GALNTL6: variants seen among roughly 807,000 people sequenced by gnomAD.
GALNTL6 encodes polypeptide N-acetylgalactosaminyltransferase-like 6.
Under a neutral mutation model 73.7 loss-of-function variants are expected in GALNTL6, and 46 were observed. The observed-to-expected ratio is 0.62, with a 90% CI of 0.49 to 0.80. GALNTL6 has a LOEUF of 0.80. Ranked by LOEUF, GALNTL6 falls within the 30% of genes least tolerant of loss-of-function variation. The pLI is 0.00. For missense variants in GALNTL6, 604 were observed against 755.0 expected, an observed-to-expected ratio of 0.80 and a Z score of 2.34; for synonymous variants, 259 against 263.7, an observed-to-expected ratio of 0.98 and a Z score of 0.17.
At chr4:172,693,192 A>C (rs1243659482) in intron 5 of GALNTL6, among the ~76,000 whole-genome samples, 4 of 152,154 alleles carry the variant, frequency 2.6e-5, no homozygotes, top group African/African-American at 9.7e-5. Context: ...AGTGATGTCT[A>C]CCTAATTTTT....
chr4:171,990,934 A>T (rs954237724), intron 2 of GALNTL6, among the ~76,000 whole-genome samples: 3 of 152,200 alleles, frequency 2.0e-5, no homozygotes, highest in Admixed American at 6.5e-5. Flanking sequence ...CCTATGCAAT[A>T]CAAGAAGAAA....
chr4:172,952,166 T>G lies in GALNTL6; in HGVS notation c.1279T>G (p.Cys427Gly), dbSNP rs1749480516. 5.6e-6 allele frequency: 9 copies of G among 1,614,060 alleles called. No individual in the cohort carries two copies. The highest frequency in any genetic ancestry group is 7.6e-6 in the Non-Finnish European group (9 of 1,179,988). The change falls in exon 10 of 13, where the codon TGC becomes GGC. Residue 427 changes from cysteine to glycine, a missense_variant. Cys to Gly is a radical substitution (Grantham distance 159). Transcript: ENST00000506823. ...GAAGGAGCTGCGCAAGCAGCTCAAG[T>G]GCAAGGACTTCAAATGGTTCATGGC... ...AQKELRKQLK[C>G]KDFKWFMAAV...
intron 3 of GALNTL6, among the ~76,000 whole-genome samples, chr4:172,256,603 T>A (rs1315895736): frequency 1.3e-5 from 2 of 151,420 alleles, no homozygotes; most frequent in Admixed American, 1.3e-4. Flanking sequence ...TGCATAGACC[T>A]GTGTCAATTC....
intron 5 of GALNTL6, among the ~76,000 whole-genome samples, chr4:172,357,823 T>A (rs561129433): frequency 6.6e-6 from 1 of 152,134 alleles, no homozygotes; most frequent in Non-Finnish European, 1.5e-5. Flanking sequence ...TTTTATATCC[T>A]GAATAAACTC....
intron 5 of GALNTL6, among the ~76,000 whole-genome samples, chr4:172,765,976 GA>G (rs1041467094): frequency 1.4e-4 from 21 of 152,174 alleles, no homozygotes; most frequent in Admixed American, 5.2e-4. Flanking sequence ...ATTAGAGAAA[GA>G]AAAAAGGAAA....
chr4:171,869,188 T>C (rs1736065186), intron 2 of GALNTL6, among the ~76,000 whole-genome samples: 1 of 152,162 alleles, frequency 6.6e-6, no homozygotes, highest in Non-Finnish European at 1.5e-5. Context: ...GAATGCCTTG[T>C]CCCTATCACA....
Position 172,339,314 on chromosome 4 carries a change from C to CACACACAG in GALNTL6, c.387-9208_387-9207insCACACAGA, listed in dbSNP as rs1254394266. Among the ~76,000 whole-genome samples the CACACACAG allele has an allele frequency of 6.5e-5, 9 of 138,286 alleles. No homozygotes were observed. The East Asian group carries it at 1.7e-3, about 26-fold the overall frequency. The allele number at this position is 138,286 out of a possible 152,430, so 90.7% of individuals were successfully genotyped here. A position where few individuals can be genotyped will look rare whatever the true frequency, so the allele number is the denominator to read the frequency against. On this transcript the variant is annotated intron_variant, in intron 4 of 12. Transcript: ENST00000506823. The stretch of plus-strand genomic sequence containing the variant: ...ACACACACACACACACACACACACA[C>CACACACAG]AGAGTTTCCAGGTCACCAAGTTGGT...
chr4:172,937,484 C>G (rs1428518080), intron 9 of GALNTL6, among the ~76,000 whole-genome samples: 1 of 152,094 alleles, frequency 6.6e-6, no homozygotes, highest in Non-Finnish European at 1.5e-5. Flanking sequence ...CCTGGGATAG[C>G]CTGGGGCAGC....
intron 11 of GALNTL6, among the ~76,000 whole-genome samples, chr4:173,020,923 A>G (rs920829696): frequency 1.8e-4 from 28 of 152,080 alleles, no homozygotes; most frequent in Admixed American, 1.3e-4. Flanking sequence ...AAATACAAAA[A>G]TTAGCCAGGC....
intron 5 of GALNTL6, among the ~76,000 whole-genome samples, chr4:172,665,233 G>A (rs549206036): frequency 2.0e-4 from 30 of 152,212 alleles, no homozygotes; most frequent in East Asian, 5.8e-4. Flanking sequence ...TGTATCCATC[G>A]GATTAGGCTA....
chr4:172,817,852 A>G (rs1741696810), intron 7 of GALNTL6, among the ~76,000 whole-genome samples: 1 of 152,222 alleles, frequency 6.6e-6, no homozygotes, highest in Admixed American at 6.5e-5. Flanking sequence ...TTATTGACAG[A>G]AATGTTTTCC....
At chr4:172,123,114 G>A (rs1345663771) in intron 2 of GALNTL6, among the ~76,000 whole-genome samples, 1 of 152,174 alleles carries the variant, frequency 6.6e-6, no homozygotes, top group African/African-American at 2.4e-5. Context: ...AAGTTTCTAG[G>A]ACTGTCAGGA....
At chr4:172,327,797 G>T (rs1561027868) in intron 4 of GALNTL6, among the ~76,000 whole-genome samples, 1 of 152,072 alleles carries the variant, frequency 6.6e-6, no homozygotes, top group Non-Finnish European at 1.5e-5. Context: ...TTGCATGTCA[G>T]ATGGGTCTTT....
chr4:172,030,117 G>C (rs1019142447), intron 2 of GALNTL6, among the ~76,000 whole-genome samples: 1 of 151,976 alleles, frequency 6.6e-6, no homozygotes, highest in African/African-American at 2.4e-5. Context: ...GCAAATATGA[G>C]AAACAATGTA....
intron 5 of GALNTL6, among the ~76,000 whole-genome samples, chr4:172,591,223 A>C (rs964373956): frequency 2.6e-5 from 4 of 152,208 alleles, no homozygotes; most frequent in African/African-American, 9.7e-5. Context: ...TTCTCAGTTC[A>C]TGACTTCATA....
At chr4:172,573,158 A>G (rs1043885472) in intron 5 of GALNTL6, among the ~76,000 whole-genome samples, 1 of 152,214 alleles carries the variant, frequency 6.6e-6, no homozygotes, top group Non-Finnish European at 1.5e-5. Context: ...TCAATAAAAT[A>G]TAAAAACAAT....
At chr4:172,400,045 C>A (rs949943488) in intron 5 of GALNTL6, among the ~76,000 whole-genome samples, 1 of 152,072 alleles carries the variant, frequency 6.6e-6, no homozygotes, top group African/African-American at 2.4e-5. Flanking sequence ...AGCCAAAACA[C>A]CCTTACACCA....
chr4:172,757,006 G>A (rs1279406063), intron 5 of GALNTL6, among the ~76,000 whole-genome samples: 1 of 152,126 alleles, frequency 6.6e-6, no homozygotes. Context: ...TTTATCTGAT[G>A]TTCTTTTCTT....
intron 2 of GALNTL6, among the ~76,000 whole-genome samples, chr4:172,177,767 ATG>A (rs1267486005): frequency 2.6e-4 from 21 of 81,894 alleles, no homozygotes; most frequent in South Asian, 3.1e-4. Flanking sequence ...GTGTATATAT[ATG>A]TACACATATA....
Sources: allele counts gnomAD v4.1 joint callset (sites outside exome capture counted in the v4.1 genomes callset), GRCh38; gene constraint gnomAD v4.1.1; transcripts MANE v1.5; gene names NCBI Gene and HGNC (gene_info 2026-07-23, HGNC 2026-07-21).